The following DENND1A variants were observed in gnomAD, a reference collection of about 807,000 sequenced individuals.
DENND1A encodes the protein DENN domain containing 1A.
A neutral mutation model predicts 113.7 loss-of-function variants in DENND1A; 51 were observed. The observed-to-expected ratio is 0.45, with a 90% CI of 0.36 to 0.57. The LOEUF is 0.57. Among genes scored for constraint, DENND1A ranks in the 20% least tolerant of loss-of-function variants. DENND1A has a pLI of 0.00. For synonymous variants in DENND1A, 565 were observed against 570.8 expected (o/e 0.99, Z 0.14); for missense variants, 1,258 against 1,395.9 (o/e 0.90, Z 1.57).
chr9:123,514,294 G>T (rs1415630767), intron 13 of DENND1A, among the ~76,000 whole-genome samples: 1 of 152,146 alleles, frequency 6.6e-6, no homozygotes, highest in East Asian at 1.9e-4. Context: ...CCAGGGGGCA[G>T]CCTGGCTCAG....
intron 18 of DENND1A, among the ~76,000 whole-genome samples, chr9:123,442,026 G>C (rs577538433): frequency 6.6e-6 from 1 of 152,302 alleles, no homozygotes; most frequent in South Asian, 2.1e-4. Flanking sequence ...GCATATGGTA[G>C]CATGAAGATT....
At chr9:123,916,762 T>TAG (rs546772083) in intron 1 of DENND1A, among the ~76,000 whole-genome samples, 148 of 152,270 alleles carry the variant, frequency 9.7e-4, no homozygotes, top group African/African-American at 3.4e-3. Flanking sequence ...TAGGCAGGGA[T>TAG]AGAAGTTAGA....
intron 5 of DENND1A, among the ~76,000 whole-genome samples, chr9:123,685,173 G>C (rs1170791939): frequency 6.6e-6 from 1 of 152,188 alleles, no homozygotes; most frequent in Non-Finnish European, 1.5e-5. Flanking sequence ...GCCTGAAACT[G>C]AGTACAATTT....
chr9:123,386,781 GTGGGGTCAATGACAGAGGGCCAAGCAGC>G (rs2042586588), intron 22 of DENND1A, among the ~76,000 whole-genome samples: 1 of 152,202 alleles, frequency 6.6e-6, no homozygotes, highest in Admixed American at 6.5e-5. Flanking sequence ...CTCTGACCCT[GTGGGGTCAATGACAGAGGGCCAAGCAGC>G]CTGGGGTTTA....
chr9:123,497,110 T>G (rs1046978656), intron 13 of DENND1A, among the ~76,000 whole-genome samples: 3 of 152,210 alleles, frequency 2.0e-5, no homozygotes, highest in African/African-American at 4.8e-5. Context: ...GAGTTTGATG[T>G]CTTCTGTGGG....
intron 16 of DENND1A, among the ~76,000 whole-genome samples, chr9:123,453,541 C>A (rs1376666801): frequency 1.3e-5 from 2 of 151,904 alleles, no homozygotes; most frequent in African/African-American, 4.8e-5. Flanking sequence ...CGTGAAGGGC[C>A]CGGAATGCCA....
chr9:123,682,699 A>G (rs2064548776), intron 5 of DENND1A, among the ~76,000 whole-genome samples: 1 of 152,118 alleles, frequency 6.6e-6, no homozygotes, highest in African/African-American at 2.4e-5. Flanking sequence ...TAGATGTGAC[A>G]CCTCGAGAAA....
chr9:123,466,581 G>C (rs1279838558), intron 13 of DENND1A, among the ~76,000 whole-genome samples: 3 of 152,204 alleles, frequency 2.0e-5, no homozygotes, highest in Non-Finnish European at 4.4e-5. Context: ...ACAGGCGTGA[G>C]CCACTGCACC....
intron 12 of DENND1A, among the ~76,000 whole-genome samples, chr9:123,574,899 CTT>C (rs946618745): frequency 1.3e-5 from 2 of 152,186 alleles, no homozygotes; most frequent in African/African-American, 4.8e-5. Flanking sequence ...AAACTCCAGA[CTT>C]TATTGTGATT....
chr9:123,433,325 T>C (rs1406618875), intron 19 of DENND1A, among the ~76,000 whole-genome samples: 1 of 152,202 alleles, frequency 6.6e-6, no homozygotes, highest in Non-Finnish European at 1.5e-5. Flanking sequence ...ACTCATTGTC[T>C]CCAGGAACTG....
chr9:123,438,479 C>T (rs570747077), intron 19 of DENND1A, among the ~76,000 whole-genome samples: 8 of 152,130 alleles, frequency 5.3e-5, no homozygotes, highest in Admixed American at 1.3e-4. Context: ...TTTGACAGCA[C>T]GTCTCAATTA....
intron 5 of DENND1A, among the ~76,000 whole-genome samples, chr9:123,713,605 A>G (rs1185690138): frequency 6.6e-6 from 1 of 152,062 alleles, no homozygotes; most frequent in Admixed American, 6.6e-5. Context: ...ATACCTTTCC[A>G]CATACTCCTT....
chr9:123,460,948 A>T (rs143793481), intron 13 of DENND1A, among the ~76,000 whole-genome samples: 99 of 152,336 alleles, frequency 6.5e-4, no homozygotes, highest in African/African-American at 2.3e-3. Flanking sequence ...ACCTGGCAAC[A>T]TATGTGGCAC....
chr9:123,735,619 G>A (rs191723607), intron 5 of DENND1A, among the ~76,000 whole-genome samples: 372 of 152,314 alleles, frequency 2.4e-3, no homozygotes, highest in African/African-American at 8.7e-3. Flanking sequence ...AAAACAGTAA[G>A]TGGTGAGATG....
chr9:123,760,044 A>T (rs1340023659), intron 4 of DENND1A, among the ~76,000 whole-genome samples: 1 of 152,258 alleles, frequency 6.6e-6, no homozygotes, highest in East Asian at 1.9e-4. Context: ...ATTCTAATAC[A>T]TGAATTTATA....
intron 3 of DENND1A, among the ~76,000 whole-genome samples, chr9:123,771,032 C>G (rs1397724476): frequency 6.6e-6 from 1 of 152,082 alleles, no homozygotes; most frequent in African/African-American, 2.4e-5. Context: ...TATCACAGCA[C>G]TGCTAAGAAA....
chr9:123,633,669 G>A (rs908684443), intron 9 of DENND1A, among the ~76,000 whole-genome samples: 1 of 152,060 alleles, frequency 6.6e-6, no homozygotes, highest in Non-Finnish European at 1.5e-5. Context: ...CCAGCTACTC[G>A]GGAGGCTGAG....
chr9:123,678,681 T>C (rs1200686215), intron 5 of DENND1A, among the ~76,000 whole-genome samples: 2 of 152,206 alleles, frequency 1.3e-5, no homozygotes, highest in African/African-American at 4.8e-5. Context: ...AGCCAGCACA[T>C]GCTACTGTAA....
At chr9:123,599,013 TTGA>T (rs2059825558) in intron 11 of DENND1A, among the ~76,000 whole-genome samples, 1 of 152,210 alleles carries the variant, frequency 6.6e-6, no homozygotes, top group South Asian at 2.1e-4. Flanking sequence ...CTCAGGGATG[TTGA>T]TAACTTCCAA....
Sources: allele counts gnomAD v4.1 joint callset (sites outside exome capture counted in the v4.1 genomes callset), GRCh38; gene constraint gnomAD v4.1.1; transcripts MANE v1.5; gene names NCBI Gene and HGNC (gene_info 2026-07-23, HGNC 2026-07-21).